The following PRH1 variants were observed in gnomAD, a reference collection of about 807,000 sequenced individuals.
PRH1 encodes the protein salivary acidic proline-rich phosphoprotein 1/2.
PRH1 carries 7 observed loss-of-function variants against 7.9 expected under a neutral mutation model. The observed-to-expected ratio is 0.89, with a 90% CI of 0.50 to 1.67. The LOEUF is 1.67. Ranked by LOEUF, PRH1 falls within the 40% of genes most tolerant of loss-of-function variation. The pLI is 0.00. For missense variants in PRH1, 109 were observed against 223.6 expected (o/e 0.49, Z 3.27); for synonymous variants, 45 against 80.8 (o/e 0.56, Z 2.38).
At chr12:10,929,428 T>A in intron 2 of PRH1, 1 of 1,497,568 alleles carries the variant, frequency 6.7e-7, no homozygotes, top group Non-Finnish European at 9.2e-7. Flanking sequence ...GAGAGGAGGA[T>A]GAGAAAACAG....
At chr12:11,141,758 T>C (rs184561438) in intron 1 of PRH1, among the ~76,000 whole-genome samples, 32 of 152,288 alleles carry the variant, frequency 2.1e-4, no homozygotes, top group African/African-American at 7.5e-4. Flanking sequence ...TGTTACTTGA[T>C]ACATAAAAGA....
chr12:10,990,956 G>T (rs10845268), intron 1 of PRH1, among the ~76,000 whole-genome samples: 46,358 of 152,088 alleles, frequency 0.3, 8,929 homozygotes, highest in East Asian at 0.74. Context: ...AAGAAACAAC[G>T]CTGGAGACTA....
chr12:11,170,125 T>G (rs1012050429), intron 1 of PRH1, among the ~76,000 whole-genome samples: 1 of 152,196 alleles, frequency 6.6e-6, no homozygotes, highest in Non-Finnish European at 1.5e-5. Context: ...TGTGTGCGAT[T>G]AAAAAATACA....
intron 1 of PRH1, among the ~76,000 whole-genome samples, chr12:11,161,541 G>A (rs1195920436): frequency 6.6e-6 from 1 of 152,116 alleles, no homozygotes; most frequent in Admixed American, 6.6e-5. Flanking sequence ...AAGTCAAAAC[G>A]GTGTGCCAGG....
At chr12:10,998,877 A>C (rs1244673992) in intron 1 of PRH1, among the ~76,000 whole-genome samples, 1 of 152,100 alleles carries the variant, frequency 6.6e-6, no homozygotes, top group Non-Finnish European at 1.5e-5. Context: ...TACACTTTAC[A>C]TCGAAATTTG....
chr12:10,976,682 A>G (rs1346358927), intron 1 of PRH1, among the ~76,000 whole-genome samples: 1 of 152,036 alleles, frequency 6.6e-6, no homozygotes, highest in East Asian at 1.9e-4. Flanking sequence ...ACAATGATAA[A>G]GAAAAAAGAG....
Position 10,981,365 on chromosome 12 carries a change from ATTTTTT to A in PRH1, c.-125-7650_-125-7645del, listed in dbSNP as rs528019045. On this transcript the variant is annotated intron_variant, in intron 1 of 3. Transcript: ENST00000539853. ...TACGGTGGCAAATTTTTACTTCTGG[ATTTTTT>A]TTTTTTTTTTTTTTTTTTTTGAGGT... Among the ~76,000 whole-genome samples, 577 of 111,574 alleles carry A rather than the reference ATTTTTT, an allele frequency of 5.2e-3. 2 individuals are homozygous for A. Among genetic ancestry groups the A allele is most frequent in the African/African-American group, 0.011 (323 of 29,382 alleles). The allele number at this position is 111,574 out of a possible 152,430, so 73.2% of individuals were successfully genotyped here.
At chr12:11,133,766 C>T (rs781146450) in intron 1 of PRH1, 9 of 1,614,046 alleles carry the variant, frequency 5.6e-6, no homozygotes, top group Non-Finnish European at 7.6e-6. Context: ...AGTCACGTTT[C>T]CTTCATATTC....
rs1194588784 is a variant in PRH1 at position 11,071,567 on chromosome 12, C to T, written n.124-24379G>A. On this transcript the variant is annotated intron_variant and non_coding_transcript_variant, in intron 1 of 4. Transcript: ENST00000541977. ...GTCCTAAAGCTAACCTTTCATCACT[C>T]ACAGGCAGGATTGCTCTCCTGGGGG... Among the ~76,000 whole-genome samples, 8 of 152,298 alleles carry T rather than the reference C, an allele frequency of 5.3e-5. No individual in the cohort carries two copies. The East Asian group carries it at 1.5e-3, about 29-fold the overall frequency.
At chr12:11,130,413 A>G (rs1346354176) in intron 1 of PRH1, among the ~76,000 whole-genome samples, 13 of 152,110 alleles carry the variant, frequency 8.5e-5, no homozygotes, top group Non-Finnish European at 4.4e-5. Flanking sequence ...AAGAGACACT[A>G]TGTTTTGGGG....
In PRH1 at chr12:11,093,195, C is replaced by G; in HGVS notation, n.124-46007G>C. Among the ~76,000 whole-genome samples the G allele has an allele frequency of 1.7e-5, 2 of 115,786 alleles. 1 individual carries two copies. The allele number at this position is 115,786 out of a possible 152,430, so 76.0% of individuals were successfully genotyped here. ...TAAATGTCTAAATTCTCAAAGGGAGCTTGGTCATAACTAAGATCATCACCA... is the reference window on the plus strand; with the variant it reads ...TAAATGTCTAAATTCTCAAAGGGAGGTTGGTCATAACTAAGATCATCACCA... On this transcript the variant is annotated intron_variant and non_coding_transcript_variant, in intron 1 of 4. Coordinates refer to the PRH1 transcript ENST00000541977.
chr12:11,043,650 A>G (rs116643359), intron 1 of PRH1, among the ~76,000 whole-genome samples: 1 of 152,244 alleles, frequency 6.6e-6, no homozygotes, highest in Non-Finnish European at 1.5e-5. Context: ...GTCAATAGTG[A>G]ACAATCTGAA....
At chr12:11,099,723 A>T (rs1336748172) in intron 1 of PRH1, among the ~76,000 whole-genome samples, 1 of 152,184 alleles carries the variant, frequency 6.6e-6, no homozygotes, top group Non-Finnish European at 1.5e-5. Flanking sequence ...ACACACACAC[A>T]AATGAAATCC....
At chr12:11,039,369 TG>T (rs1942601647) in intron 1 of PRH1, among the ~76,000 whole-genome samples, 1 of 152,272 alleles carries the variant, frequency 6.6e-6, no homozygotes, top group Non-Finnish European at 1.5e-5. Flanking sequence ...GCTCTCTTTA[TG>T]GAAAATATGA....
chr12:10,989,435 C>G (rs764748870), intron 1 of PRH1, among the ~76,000 whole-genome samples: 1 of 152,016 alleles, frequency 6.6e-6, no homozygotes, highest in Non-Finnish European at 1.5e-5. Context: ...TCATTTGATT[C>G]ATTTCCTTTG....
At chr12:11,060,717 T>TA (rs1250494352) in intron 1 of PRH1, among the ~76,000 whole-genome samples, 4 of 152,178 alleles carry the variant, frequency 2.6e-5, no homozygotes, top group Non-Finnish European at 4.4e-5. Flanking sequence ...ATGGTAGACA[T>TA]AGTTGAAACT....
At chr12:11,020,103 T>G (rs998795715) in intron 1 of PRH1, among the ~76,000 whole-genome samples, 7 of 152,262 alleles carry the variant, frequency 4.6e-5, no homozygotes, top group Non-Finnish European at 8.8e-5. Context: ...GAGAAATGCT[T>G]CTTCTTCAAA....
At chr12:11,155,160 T>G (rs1947214926) in intron 1 of PRH1, among the ~76,000 whole-genome samples, 1 of 152,224 alleles carries the variant, frequency 6.6e-6, no homozygotes, top group East Asian at 1.9e-4. Context: ...ATTGAAGGGC[T>G]GGATTCAACT....
upstream of PRH1, among the ~76,000 whole-genome samples, chr12:11,050,390 T>C (rs542762631): frequency 6.6e-6 from 1 of 152,304 alleles, no homozygotes; most frequent in South Asian, 2.1e-4. Context: ...ATGCTATTGT[T>C]TGTGGCTCAG....
Sources: gnomAD v4.1 joint callset for allele counts (sites outside exome capture counted in the v4.1 genomes callset) on GRCh38, gnomAD v4.1.1 for gene constraint, MANE v1.5 for transcripts, NCBI Gene and HGNC (gene_info 2026-07-23, HGNC 2026-07-21) for gene names.